SERAC1: variants seen among roughly 807,000 people sequenced by gnomAD.
SERAC1 encodes the protein protein SERAC1.
A neutral mutation model predicts 85.7 loss-of-function variants in SERAC1; 36 were observed. That is an observed-to-expected ratio of 0.42 (90% CI 0.32 to 0.55). The LOEUF is 0.55. Among genes scored for constraint, SERAC1 ranks in the 20% least tolerant of loss-of-function variants. The probability of loss-of-function intolerance (pLI) is 0.11; values close to 1 mark genes in which losing one functional copy is unlikely to be tolerated. For missense variants in SERAC1, 629 were observed against 796.2 expected, an observed-to-expected ratio of 0.79 and a Z score of 2.53; for synonymous variants, 242 against 265.3, an observed-to-expected ratio of 0.91 and a Z score of 0.85.
chr6:158,125,948 T>C (rs1000292610), intron 10 of SERAC1, among the ~76,000 whole-genome samples: 1 of 151,662 alleles, frequency 6.6e-6, no homozygotes, highest in Non-Finnish European at 1.5e-5. Context: ...ACTCAAGTAA[T>C]ACAAGAAGTC....
At chr6:158,118,721 T>C (rs559420352) in intron 12 of SERAC1, among the ~76,000 whole-genome samples, 2 of 152,318 alleles carry the variant, frequency 1.3e-5, no homozygotes, top group East Asian at 3.9e-4. Flanking sequence ...AGGTAACTAT[T>C]ATAAATGTAA....
Position 158,128,105 on chromosome 6 carries a change from T to C in SERAC1, c.1015+3A>G, listed in dbSNP as rs756690817. 1.1e-5 allele frequency: 18 copies of C among 1,613,240 alleles called. No individual in the cohort carries two copies. The highest frequency in any genetic ancestry group is 1.4e-5 in the Non-Finnish European group (16 of 1,179,572). The stretch of plus-strand genomic sequence containing the variant: ...AAAAATACTCAGTATATAAAGCTGT[T>C]ACCTGAGCGAACTATAGAAGAATGA... On this transcript the variant is annotated splice_donor_region_variant and intron_variant, in intron 10 of 16. Coordinates refer to ENST00000647468, the MANE Select transcript of SERAC1 (RefSeq NM_032861.4).
At position 158,126,474 on chromosome 6, in the gene SERAC1, AAGGGAGGGAGGAGATGG is replaced by A. The variant is rs376155144; in HGVS notation, c.1015+1617_1015+1633del. Among the ~76,000 whole-genome samples, 593 of 152,220 alleles carry A rather than the reference AAGGGAGGGAGGAGATGG, an allele frequency of 3.9e-3. 5 individuals carry two copies. The highest frequency in any genetic ancestry group is 0.014 in the African/African-American group (568 of 41,540). ...TAGGAATTCATGTACCTGTCCATAG[AAGGGAGGGAGGAGATGG>A]AGGGAGGGAGGAGGGAAAGAGAAGG... On this transcript the variant is annotated intron_variant, in intron 10 of 16. Transcript: ENST00000647468.
intron 3 of SERAC1, 109 bp from the exon 4 acceptor site, chr6:158,150,698 CATAACATGTATACAGTAATATGCAT>C: frequency 2.6e-6 from 2 of 784,006 alleles, no homozygotes; most frequent in South Asian, 3.3e-5. Context: ...TGTTGGGAAA[CATAACATGTATACAGTAATATGCAT>C]ATAACATTTA....
chr6:158,114,711 A>AAGGAATATAAAATGAGATAATACATTCG, intron 15 of SERAC1, 78 bp downstream of exon 15: 1 of 1,594,046 alleles, frequency 6.3e-7, no homozygotes, highest in Non-Finnish European at 8.6e-7. Context: ...TAATACATTC[A>AAGGAATATAAAATGAGATAATACATTCG]AGGAAGAAAC....
chr6:158,129,559 G>A (rs1784621212), intron 9 of SERAC1, among the ~76,000 whole-genome samples: 1 of 152,112 alleles, frequency 6.6e-6, no homozygotes, highest in South Asian at 2.1e-4. Flanking sequence ...GCACTACAAG[G>A]TTTGTTGCTT....
intron 4 of SERAC1, 70 bp downstream of exon 4, chr6:158,150,383 A>C: frequency 7.9e-7 from 1 of 1,271,658 alleles, no homozygotes; most frequent in Admixed American, 2.0e-5. Flanking sequence ...CTGTGTTTTA[A>C]ATAGACGCAT....
Position 158,118,979 on chromosome 6 carries a change from C to T in SERAC1, c.1308+50G>A, listed in dbSNP as rs766861458. On this transcript the variant is annotated intron_variant, in intron 12 of 16. Transcript: ENST00000647468. Reference sequence around the variant, plus strand: ...AAACAAGCAAGCCACAATCAGGGCCCCAGCAACCAGGGCCCCAGCAACCAG... The same window carrying T: ...AAACAAGCAAGCCACAATCAGGGCCTCAGCAACCAGGGCCCCAGCAACCAG... 7.0e-6 allele frequency: 11 copies of T among 1,568,292 alleles called. No homozygotes were observed. The African/African-American group carries it at 9.9e-5, about 14-fold the overall frequency.
At chr6:158,118,903 C>A in intron 12 of SERAC1, 126 bp downstream of exon 12, 1 of 1,143,974 alleles carries the variant, frequency 8.7e-7, no homozygotes, top group Non-Finnish European at 1.2e-6. Flanking sequence ...CTACAAATCT[C>A]CCTAAGGGAA....
Position 158,117,411 on chromosome 6 carries a change from A to C in SERAC1, c.1403+316T>G, listed in dbSNP as rs199778655. ...TTTAGCCAGTATGATTGTGGACACA[A>C]GAACAAAAAAACATCACTTTTACTT... On this transcript the variant is annotated intron_variant, in intron 13 of 16. Coordinates refer to ENST00000647468, the MANE Select transcript of SERAC1 (RefSeq NM_032861.4). This position sits in a 1 kb window ranked among gnomAD's most constrained non-coding sequence, Gnocchi z 4.3. 5 of 809,508 alleles carry C rather than the reference A, an allele frequency of 6.2e-6. No homozygotes were observed. The highest frequency in any genetic ancestry group is 2.2e-5 in the South Asian group (1 of 44,964). The allele number at this position is 809,508 out of a possible 1,614,324, so 50.1% of individuals were successfully genotyped here.
intron 8 of SERAC1, 21 bp from the exon 9 acceptor site, chr6:158,130,507 AT>A: frequency 1.4e-6 from 2 of 1,425,956 alleles, no homozygotes; most frequent in Admixed American, 2.2e-5. Context: ...AATAATTAAA[AT>A]TTTTACTGAA....
At chr6:158,143,258 A>C in intron 7 of SERAC1, 74 bp from the exon 8 acceptor site, 1 of 1,542,530 alleles carries the variant, frequency 6.5e-7, no homozygotes, top group Non-Finnish European at 8.7e-7. Context: ...CAAAGACTCA[A>C]AGCCAATATT....
At chr6:158,131,365 A>G (rs1784669051) in intron 8 of SERAC1, among the ~76,000 whole-genome samples, 2 of 147,220 alleles carry the variant, frequency 1.4e-5, no homozygotes, top group South Asian at 4.2e-4. Flanking sequence ...TATACTATAT[A>G]TTTATATCTA....
chr6:158,113,188 C>G, intron 16 of SERAC1: 1 of 424,802 alleles, frequency 2.4e-6, no homozygotes, highest in Non-Finnish European at 4.1e-6. Context: ...AAAGAGTTCA[C>G]TGTTGATGCC....
chr6:158,111,226 T>C lies in SERAC1; in HGVS notation c.*140A>G. On this transcript the variant is annotated 3_prime_UTR_variant, in exon 17 of 17. Coordinates refer to ENST00000647468, the MANE Select transcript of SERAC1 (RefSeq NM_032861.4). ...ACAGCGCTTGAAGGGAGAACAATGT[T>C]CTGTAGTCTGCAACACACTCCAGAC... 1.3e-6 allele frequency: 1 copy of C among 789,480 alleles called. No homozygotes were observed. The highest frequency in any genetic ancestry group is 2.7e-5 in the East Asian group (1 of 36,926). The allele number at this position is 789,480 out of a possible 1,614,324, so 48.9% of individuals were successfully genotyped here. A position where few individuals can be genotyped will look rare whatever the true frequency, so the allele number is the denominator to read the frequency against.
At chr6:158,143,288 A>G (rs1784962073) in intron 7 of SERAC1, 104 bp from the exon 8 acceptor site, 3 of 1,325,884 alleles carry the variant, frequency 2.3e-6, no homozygotes, top group Middle Eastern at 2.8e-4. Flanking sequence ...TATCAAAGCC[A>G]TATATTATGT....
rs115637880 is a variant in SERAC1 at position 158,124,971 on chromosome 6, C to T, written c.1015+3137G>A. Among the ~76,000 whole-genome samples, 594 of 152,080 alleles carry T rather than the reference C, an allele frequency of 3.9e-3. 6 individuals carry two copies. Among genetic ancestry groups the T allele is most frequent in the African/African-American group, 0.014 (569 of 41,520 alleles). Reference sequence around the variant, plus strand: ...AGAGAAATATTATCAGATGTAAATCCATATATACAGAAAAAAGGGAGAGCA... The same window carrying T: ...AGAGAAATATTATCAGATGTAAATCTATATATACAGAAAAAAGGGAGAGCA... On this transcript the variant is annotated intron_variant, in intron 10 of 16. Coordinates refer to ENST00000647468, the MANE Select transcript of SERAC1 (RefSeq NM_032861.4).
At position 158,115,329 on chromosome 6, in the gene SERAC1, C is replaced by T. The variant is rs369068697; in HGVS notation, c.1502-358G>A. The stretch of plus-strand genomic sequence containing the variant: ...GGTCTCTCAGCCTGCTATGGCAGAC[C>T]GCTGATGACCACACTGTCAGGACAG... On this transcript the variant is annotated intron_variant, in intron 14 of 16. Transcript: ENST00000647468. 1.5e-4 allele frequency among the ~76,000 whole-genome samples: 23 copies of T among 152,260 alleles called. No individual in the cohort carries two copies. The East Asian group carries it at 3.7e-3, about 24-fold the overall frequency.
At chr6:158,148,200 C>T (rs1785117084) in intron 5 of SERAC1, among the ~76,000 whole-genome samples, 1 of 152,056 alleles carries the variant, frequency 6.6e-6, no homozygotes, top group Admixed American at 6.6e-5. Context: ...TCAGATAAGC[C>T]CTTTTGTATC....
Sources: allele counts gnomAD v4.1 joint callset (sites outside exome capture counted in the v4.1 genomes callset), GRCh38; gene constraint gnomAD v4.1.1; non-coding constraint Gnocchi (gnomAD v3.1); transcripts MANE v1.5; gene names NCBI Gene and HGNC (gene_info 2026-07-23, HGNC 2026-07-21).